Variants in DNAH1 observed in about 807,000 individuals in gnomAD.
The protein encoded by DNAH1 is axonemal beta dynein heavy chain 1.
A neutral mutation model predicts 484.3 loss-of-function variants in DNAH1; 327 were observed. That is an observed-to-expected ratio of 0.68 (90% CI 0.62 to 0.74). The LOEUF (loss-of-function observed/expected upper bound fraction) is 0.74. Among genes scored for constraint, DNAH1 ranks in the 30% least tolerant of loss-of-function variants. The pLI, the probability that DNAH1 is intolerant of heterozygous loss-of-function variation, is 0.00. For synonymous variants in DNAH1, 2,192 were observed against 2,191.9 expected, an observed-to-expected ratio of 1.00 and a Z score of 0.00; for missense variants, 5,052 against 5,546.8, an observed-to-expected ratio of 0.91 and a Z score of 2.83.
In DNAH1 at chr3:52,372,333, C is replaced by T. The variant is rs1703381467; in HGVS notation, c.6773C>T (p.Ala2258Val). ...DYISHFLTFS[A>V]RTSANQTQDF... ...ATCAGCCACTTCCTCACCTTCTCAG[C>T]CCGCACTTCAGCCAACCAGACCCAG... Residue 2258 changes from alanine to valine, a missense_variant, in exon 43 of 78, where the codon GCC becomes GTC. Physicochemically the swap from Ala to Val is moderately conservative, Grantham distance 64. Coordinates refer to ENST00000420323, the MANE Select transcript of DNAH1 (RefSeq NM_015512.5). 1 of 1,613,986 alleles carries T rather than the reference C, an allele frequency of 6.2e-7. No homozygotes were observed. The highest frequency in any genetic ancestry group is 2.2e-5 in the East Asian group (1 of 44,876).
intron 50 of DNAH1, 39 bp from the exon 51 acceptor site, chr3:52,383,347 T>C: frequency 6.3e-7 from 1 of 1,576,380 alleles, no homozygotes. Flanking sequence ...TAGTCCAACA[T>C]GCAGGGGCTT....
At chr3:52,385,940 G>T (rs1325634201) in intron 54 of DNAH1, among the ~76,000 whole-genome samples, 1 of 152,178 alleles carries the variant, frequency 6.6e-6, no homozygotes, top group South Asian at 2.1e-4. Context: ...CTGCCTGTGG[G>T]GCACTTACAT....
At chr3:52,386,078 C>T (rs1704092031) in intron 54 of DNAH1, 82 bp from the exon 55 acceptor site, 3 of 1,464,064 alleles carry the variant, frequency 2.0e-6, no homozygotes, top group African/African-American at 2.8e-5. Context: ...AACAGGGCAC[C>T]CCAACTCTCC....
chr3:52,323,548 G>A (rs1407505643), intron 2 of DNAH1, among the ~76,000 whole-genome samples: 2 of 152,192 alleles, frequency 1.3e-5, no homozygotes, highest in African/African-American at 2.4e-5. Context: ...GATGCACTGT[G>A]GAGTGTTCTC....
chr3:52,338,052 C>T (rs919863130), intron 8 of DNAH1, among the ~76,000 whole-genome samples: 1 of 152,174 alleles, frequency 6.6e-6, no homozygotes. Flanking sequence ...CCTCAGCCTC[C>T]CAAAGTGCTG....
chr3:52,356,802 G>A lies in DNAH1; in HGVS notation c.3858+24G>A, dbSNP rs1187214811. The A allele has an allele frequency of 5.7e-6, 9 of 1,576,654 alleles. No homozygotes were observed. In the Admixed American group the frequency reaches 7.5e-5, roughly 13 times the overall value. ...AGGCAAGCTCAATGAGGGTGGGAGGGGCAGCTGGGATCCCCAAGGGCCCTG... is the reference window on the plus strand; with the variant it reads ...AGGCAAGCTCAATGAGGGTGGGAGGAGCAGCTGGGATCCCCAAGGGCCCTG... On this transcript the variant is annotated intron_variant, in intron 22 of 77. Coordinates refer to ENST00000420323, the MANE Select transcript of DNAH1 (RefSeq NM_015512.5).
In DNAH1 at chr3:52,362,675, A is replaced by G. The variant is rs2153224412; in HGVS notation, c.5094+174A>G. On this transcript the variant is annotated intron_variant, in intron 31 of 77. Transcript: ENST00000420323. This position sits in a 1 kb window ranked among gnomAD's most constrained non-coding sequence, Gnocchi z 5.1. ...AGGGCCTCAGACTTGTCCTCAGGGCATGGGAGAAGTCAGGCTGCCTATGGA... is the reference window on the plus strand; with the variant it reads ...AGGGCCTCAGACTTGTCCTCAGGGCGTGGGAGAAGTCAGGCTGCCTATGGA... Among the ~76,000 whole-genome samples, 1 of 152,332 alleles carries G rather than the reference A, an allele frequency of 6.6e-6. No individual in the cohort carries two copies. The highest frequency in any genetic ancestry group is 1.9e-4 in the East Asian group (1 of 5,180).
intron 42 of DNAH1, 34 bp downstream of exon 42, chr3:52,372,120 C>G (rs1245890302): frequency 6.2e-7 from 1 of 1,611,672 alleles, no homozygotes; most frequent in Non-Finnish European, 8.5e-7. Flanking sequence ...CTCCACTGTC[C>G]CCAAGGCCTA....
intron 8 of DNAH1, among the ~76,000 whole-genome samples, chr3:52,335,924 G>A (rs547831707): frequency 1.0e-3 from 154 of 152,230 alleles, no homozygotes; most frequent in African/African-American, 2.8e-3. Flanking sequence ...CTGAGCCACC[G>A]CACCCGGCCC....
In DNAH1 at chr3:52,391,225, T is replaced by G; in HGVS notation, c.9788T>G (p.Phe3263Cys). ...GTGTTCAAGTTGAGTGACCGCGACT[T>G]CCTGCGCAGCATGGAGAACGCCATC... is the stretch of plus-strand genomic sequence containing the variant. ...LDVFKLSDRD[F>C]LRSMENAIRF... The change falls in exon 62 of 78, where the codon TTC (phenylalanine) becomes TGC (cysteine). Residue 3263 changes from phenylalanine (F) to cysteine (C), a missense_variant. Phe to Cys is a radical substitution (Grantham distance 205). Coordinates refer to ENST00000420323, the MANE Select transcript of DNAH1 (RefSeq NM_015512.5). The G allele has an allele frequency of 6.2e-7, 1 of 1,613,914 alleles. No homozygotes were observed. Among genetic ancestry groups the G allele is most frequent in the Non-Finnish European group, 8.5e-7 (1 of 1,179,870 alleles).
At chr3:52,336,891 A>G (rs1701761012) in intron 8 of DNAH1, among the ~76,000 whole-genome samples, 1 of 152,138 alleles carries the variant, frequency 6.6e-6, no homozygotes, top group Non-Finnish European at 1.5e-5. Context: ...CTTTTTGCTT[A>G]GGTTTGCTTT....
chr3:52,364,536 G>T lies in DNAH1; in HGVS notation c.5245-102G>T. On this transcript the variant is annotated intron_variant, in intron 32 of 77. Transcript: ENST00000420323. This position sits in a 1 kb window ranked among gnomAD's most constrained non-coding sequence, Gnocchi z 4.2. ...TCTGCAAGGGAAGTGCTATGAGCTG[G>T]TGATGAGACTTGGCCAACTGCCAGG... The T allele has an allele frequency of 1.5e-6, 2 of 1,303,148 alleles. No homozygotes were observed. Among genetic ancestry groups the T allele is most frequent in the South Asian group, 1.2e-5 (1 of 83,618 alleles). 80.7% of individuals were successfully genotyped at this position (1,303,148 alleles called of 1,614,324 possible). A position where few individuals can be genotyped will look rare whatever the true frequency, so the allele number is the denominator to read the frequency against.
At chr3:52,344,062 A>T (rs898491057) in intron 8 of DNAH1, among the ~76,000 whole-genome samples, 1 of 152,212 alleles carries the variant, frequency 6.6e-6, no homozygotes. Flanking sequence ...AGGCGCTGCC[A>T]TGATTGCCCA....
intron 44 of DNAH1, 124 bp downstream of exon 44, chr3:52,373,177 A>C: frequency 7.7e-7 from 1 of 1,293,932 alleles, no homozygotes; most frequent in Non-Finnish European, 1.0e-6. Flanking sequence ...ATTTCTCTTA[A>C]AATTAAAGGG....
intron 46 of DNAH1, among the ~76,000 whole-genome samples, chr3:52,377,513 C>T (rs1372139665): frequency 6.6e-6 from 1 of 151,938 alleles, no homozygotes; most frequent in Admixed American, 6.6e-5. Context: ...TCAGTCCACA[C>T]TCCTCCTCTC....
intron 14 of DNAH1, among the ~76,000 whole-genome samples, chr3:52,349,714 G>A (rs570939161): frequency 6.6e-6 from 1 of 152,348 alleles, no homozygotes; most frequent in South Asian, 2.1e-4. Context: ...TGGAGCTAGG[G>A]GATTCGAGTG....
At position 52,375,529 on chromosome 3, in the gene DNAH1, C is replaced by A. The variant is rs1578169606; in HGVS notation, c.7159+116C>A. On this transcript the variant is annotated intron_variant, in intron 45 of 77. Coordinates refer to ENST00000420323, the MANE Select transcript of DNAH1 (RefSeq NM_015512.5). The stretch of plus-strand genomic sequence containing the variant: ...TGGAGTGGCCAAACCATGACCGCAA[C>A]CCTGGGTTCACCTCTCACTCAGCTG... 9.6e-6 allele frequency: 11 copies of A among 1,145,978 alleles called. No homozygotes were observed. In the East Asian group the frequency reaches 2.8e-4, roughly 29 times the overall value. The allele number at this position is 1,145,978 out of a possible 1,614,324, so 71.0% of individuals were successfully genotyped here.
At chr3:52,392,768 C>A in intron 64 of DNAH1, 62 bp from the exon 65 acceptor site, 1 of 1,527,924 alleles carries the variant, frequency 6.5e-7, no homozygotes, top group Non-Finnish European at 8.9e-7. Flanking sequence ...TGCCCTAGGC[C>A]TGCCCCCCAA....
chr3:52,391,234 G>A lies in DNAH1; in HGVS notation c.9797G>A (p.Ser3266Asn). Residue 3266 changes from serine to asparagine, a missense_variant, in exon 62 of 78, where the codon AGC becomes AAC. Ser to Asn is a conservative substitution (Grantham distance 46). Transcript: ENST00000420323. Reference sequence around the variant, plus strand: ...TTGAGTGACCGCGACTTCCTGCGCAGCATGGAGAACGCCATCCGCTTTGGC... The same window carrying A: ...TTGAGTGACCGCGACTTCCTGCGCAACATGGAGAACGCCATCCGCTTTGGC... ...FKLSDRDFLR[S>N]MENAIRFGKP... 6.2e-7 allele frequency: 1 copy of A among 1,613,872 alleles called. No homozygotes were observed. The highest frequency in any genetic ancestry group is 8.5e-7 in the Non-Finnish European group (1 of 1,179,852).
Sources: gnomAD v4.1 joint callset for allele counts (sites outside exome capture counted in the v4.1 genomes callset) on GRCh38, gnomAD v4.1.1 for gene constraint, Gnocchi (gnomAD v3.1) non-coding constraint, MANE v1.5 for transcripts, NCBI Gene and HGNC (gene_info 2026-07-23, HGNC 2026-07-21) for gene names.